The following NLRP12 variants were observed in gnomAD, a reference collection of about 807,000 sequenced individuals.
NLRP12 encodes NLR family pyrin domain containing 12.
In NLRP12, 108 loss-of-function variants were observed where a neutral mutation model predicts 91.2. That is an observed-to-expected ratio of 1.18 (90% confidence interval 1.01 to 1.39). NLRP12 has a LOEUF of 1.39. NLRP12 is among the 40% of genes most tolerant of loss of function. NLRP12 has a pLI of 0.00. For missense variants in NLRP12, 1,530 were observed against 1,352.7 expected, an observed-to-expected ratio of 1.13 and a Z score of -2.06; for synonymous variants, 613 against 566.7, an observed-to-expected ratio of 1.08 and a Z score of -1.16.
At chr19:53,806,005 G>A (rs1159636078) in intron 4 of NLRP12, among the ~76,000 whole-genome samples, 1 of 151,810 alleles carries the variant, frequency 6.6e-6, no homozygotes, top group African/African-American at 2.4e-5. Flanking sequence ...AGGCCGAGGT[G>A]GGTGGATCAC....
intron 8 of NLRP12, 152 bp from the exon 9 acceptor site, chr19:53,796,181 C>T (rs1448556339): frequency 1.4e-6 from 1 of 718,264 alleles, no homozygotes; most frequent in East Asian, 2.8e-5. Context: ...ATTCTCCTGC[C>T]TCAGCCTCCT....
chr19:53,822,158 G>C (rs2092271354), intron 1 of NLRP12, among the ~76,000 whole-genome samples: 1 of 152,028 alleles, frequency 6.6e-6, no homozygotes, highest in Non-Finnish European at 1.5e-5. Flanking sequence ...CTGCATGATA[G>C]GATCAATCTT....
intron 7 of NLRP12, among the ~76,000 whole-genome samples, chr19:53,799,276 C>T (rs62143163): frequency 0.12 from 18,593 of 151,914 alleles, 1,412 homozygotes; most frequent in South Asian, 0.17. Flanking sequence ...TCCCAAAGTG[C>T]TGGGTTTACA....
In NLRP12 at chr19:53,798,394, C is replaced by G. The variant is rs767943408; in HGVS notation, c.2776G>C (p.Gly926Arg). Residue 926 changes from glycine (G) to arginine (R), a missense_variant, in exon 8 of 10, where the codon GGC becomes CGC. Coordinates refer to ENST00000324134, the MANE Select transcript of NLRP12 (RefSeq NM_144687.4). ...GAAAGACCCTCACAGGCGGCAGAGCCCAGCCGGCAGATGCCCAACCTGCAA... is the reference window on the plus strand; with the variant it reads ...GAAAGACCCTCACAGGCGGCAGAGCGCAGCCGGCAGATGCCCAACCTGCAA... ...QTLRLGICRLGSAACEGLSVV... is the reference protein window; with the variant it reads ...QTLRLGICRLRSAACEGLSVV... 1.9e-6 allele frequency: 3 copies of G among 1,614,098 alleles called. No individual in the cohort carries two copies. The highest frequency in any genetic ancestry group is 2.5e-6 in the Non-Finnish European group (3 of 1,180,020).
intron 8 of NLRP12, among the ~76,000 whole-genome samples, chr19:53,797,744 T>A (rs1461371712): frequency 6.7e-6 from 1 of 148,966 alleles, no homozygotes; most frequent in Non-Finnish European, 1.5e-5. Context: ...AATTTTAATT[T>A]TTTTTTTTTT....
intron 1 of NLRP12, among the ~76,000 whole-genome samples, chr19:53,815,979 C>T (rs1442254620): frequency 6.6e-6 from 1 of 150,958 alleles, no homozygotes; most frequent in South Asian, 2.1e-4. Context: ...AGTATGTTAC[C>T]CAGGCTGGTC....
Position 53,824,264 on chromosome 19 carries a change from G to C in NLRP12, c.-90C>G, listed in dbSNP as rs2092310491. On this transcript the variant is annotated 5_prime_UTR_variant, in exon 1 of 10. Coordinates refer to ENST00000324134, the MANE Select transcript of NLRP12 (RefSeq NM_144687.4). ...GGGCGACCCCAGCACACCTTCCATTGCATCATTCACAGGCAGCGGGCGGAG... is the reference window on the plus strand; with the variant it reads ...GGGCGACCCCAGCACACCTTCCATTCCATCATTCACAGGCAGCGGGCGGAG... The C allele has an allele frequency of 6.0e-6, 8 of 1,344,320 alleles. No individual in the cohort carries two copies. In the South Asian group the frequency reaches 9.5e-5, roughly 16 times the overall value. 83.3% of individuals were successfully genotyped at this position (1,344,320 alleles called of 1,614,324 possible).
At chr19:53,803,439 C>G (rs1243363268) in intron 6 of NLRP12, among the ~76,000 whole-genome samples, 2 of 151,946 alleles carry the variant, frequency 1.3e-5, no homozygotes, top group African/African-American at 4.8e-5. Context: ...CTCGGCCTCC[C>G]AAAGTGCTGG....
intron 1 of NLRP12, among the ~76,000 whole-genome samples, chr19:53,819,457 A>ATATATATGTG (rs2092220405): frequency 2.2e-4 from 1 of 4,600 alleles, no homozygotes; most frequent in Non-Finnish European, 4.1e-4. Context: ...ATATATATAT[A>ATATATATGTG]TGTGTGTGTG....
chr19:53,804,960 G>T (rs1242123834), intron 5 of NLRP12, among the ~76,000 whole-genome samples: 1 of 152,006 alleles, frequency 6.6e-6, no homozygotes, highest in Admixed American at 6.5e-5. Context: ...AACGCAGGAA[G>T]TGGGGGTTGC....
At chr19:53,795,242 GGC>G (rs1265032578) in intron 9 of NLRP12, among the ~76,000 whole-genome samples, 1 of 143,914 alleles carries the variant, frequency 6.9e-6, no homozygotes, top group Non-Finnish European at 1.5e-5. Context: ...CTCCAGCCTG[GGC>G]CACAGCAAGA....
At chr19:53,797,101 T>A (rs1600672141) in intron 8 of NLRP12, among the ~76,000 whole-genome samples, 1 of 151,750 alleles carries the variant, frequency 6.6e-6, no homozygotes, top group East Asian at 1.9e-4. Context: ...CAATTAACAT[T>A]TGATTGGAAT....
rs957959057 is a variant in NLRP12, at chr19:53,818,056, A to G, written c.290-3068T>C. ...CCTCAGCCTCCAACATGCTGGGATT[A>G]CAGGCATGAGCCACTGCAGCTGGTT... On this transcript the variant is annotated intron_variant, in intron 1 of 9. Coordinates refer to ENST00000324134, the MANE Select transcript of NLRP12 (RefSeq NM_144687.4). Among the ~76,000 whole-genome samples, 28 of 150,820 alleles carry G rather than the reference A, an allele frequency of 1.9e-4. 1 individual carries two copies. Among genetic ancestry groups the G allele is most frequent in the Non-Finnish European group, 5.9e-5 (4 of 67,858 alleles).
At chr19:53,811,692 G>A (rs1360049977) in intron 2 of NLRP12, among the ~76,000 whole-genome samples, 6 of 150,796 alleles carry the variant, frequency 4.0e-5, no homozygotes, top group African/African-American at 7.3e-5. Flanking sequence ...TCAGCCTCCC[G>A]AGTAGCTGGG....
At chr19:53,795,052 C>T (rs2091725339) in intron 9 of NLRP12, among the ~76,000 whole-genome samples, 2 of 151,932 alleles carry the variant, frequency 1.3e-5, no homozygotes, top group Non-Finnish European at 2.9e-5. Flanking sequence ...ATCCTCCCAC[C>T]TCAGCCCCCT....
chr19:53,822,994 C>T (rs2092281353), intron 1 of NLRP12, among the ~76,000 whole-genome samples: 1 of 151,422 alleles, frequency 6.6e-6, no homozygotes, highest in African/African-American at 2.4e-5. Flanking sequence ...TCTCGAATTC[C>T]TGACCTCAGG....
chr19:53,809,780 G>A lies in NLRP12; in HGVS notation c.1879C>T (p.Gln627Ter). The A allele has an allele frequency of 6.2e-7, 1 of 1,614,110 alleles. No individual in the cohort carries two copies. Among genetic ancestry groups the A allele is most frequent in the African/African-American group, 1.3e-5 (1 of 75,046 alleles). ...LYEIQEEEFI[Q>*]QALSHFQVIV... ...ACCTGGAAGTGGCTCAGGGCCTGCT[G>A]GATAAACTCCTCCTCCTGGATCTCG... Residue 627 changes from glutamine (Q) to a stop codon, truncating the protein, a stop_gained, in exon 3 of 10, where the codon CAG (glutamine) becomes TAG (stop). Transcript: ENST00000324134. LOFTEE classifies it high-confidence loss of function.
chr19:53,809,692 C>G lies in NLRP12; in HGVS notation c.1967G>C (p.Arg656Pro). ...EHMVSSFCLK[R>P]CRSAQVLHLY... ...GTGCAGCACCTGGGCGCTCCTGCAGCGCTTCAGACAGAACGAGGAGACCAT... is the reference window on the plus strand; with the variant it reads ...GTGCAGCACCTGGGCGCTCCTGCAGGGCTTCAGACAGAACGAGGAGACCAT... The change falls in exon 3 of 10, where the codon CGC (arginine) becomes CCC (proline). Residue 656 changes from arginine to proline, a missense_variant. By Grantham distance (103) the Arg-to-Pro change is moderately radical. Transcript: ENST00000324134. The G allele has an allele frequency of 1.2e-6, 2 of 1,614,122 alleles. No individual in the cohort carries two copies. Among genetic ancestry groups the G allele is most frequent in the Non-Finnish European group, 8.5e-7 (1 of 1,180,028 alleles).
chr19:53,814,606 C>T (rs1354496433), intron 2 of NLRP12, among the ~76,000 whole-genome samples: 1 of 152,164 alleles, frequency 6.6e-6, no homozygotes. Flanking sequence ...CCGCTTTGGC[C>T]TCCCAAAGTG....
Sources: allele counts gnomAD v4.1 joint callset (sites outside exome capture counted in the v4.1 genomes callset), GRCh38; gene constraint gnomAD v4.1.1; transcripts MANE v1.5; gene names NCBI Gene and HGNC (gene_info 2026-07-23, HGNC 2026-07-21).